The following SAC3D1 variants were observed in gnomAD, a reference collection of about 807,000 sequenced individuals.
SAC3D1 encodes the protein SAC3 domain-containing protein 1.
In SAC3D1, 10 loss-of-function variants were observed where a neutral mutation model predicts 12.7. The observed-to-expected ratio is 0.79, with a 90% confidence interval of 0.49 to 1.34. The LOEUF (loss-of-function observed/expected upper bound fraction) is 1.34, where lower values mean the gene tolerates loss of function less well. SAC3D1 is among the 40% of genes most tolerant of loss of function. The pLI is 0.00. For missense variants in SAC3D1, 482 were observed against 531.1 expected (o/e 0.91, Z 0.91); for synonymous variants, 241 against 250.8 (o/e 0.96, Z 0.37).
At chr11:65,041,115 A>G (rs1265703530), upstream of SAC3D1, 2 of 651,216 alleles carry the variant, frequency 3.1e-6, no homozygotes, top group Admixed American at 6.2e-5. Context: ...GGGTGAGAGG[A>G]CAGAGGTGGC....
chr11:65,042,995 C>T, intron 1 of SAC3D1: 1 of 414,664 alleles, frequency 2.4e-6, no homozygotes, highest in Non-Finnish European at 4.9e-6. Context: ...GCAATCACAC[C>T]CGGCTAACTT....
In SAC3D1 at chr11:65,041,432, C is replaced by T; in HGVS notation, c.140C>T (p.Pro47Leu). The T allele has an allele frequency of 1.3e-6, 2 of 1,503,256 alleles. No homozygotes were observed. Among genetic ancestry groups the T allele is most frequent in the Non-Finnish European group, 8.8e-7 (1 of 1,133,014 alleles). The allele number at this position is 1,503,256 out of a possible 1,614,324, so 93.1% of individuals were successfully genotyped here. A position where few individuals can be genotyped will look rare whatever the true frequency, so the allele number is the denominator to read the frequency against. The change falls in exon 1 of 2, where the codon CCG becomes CTG. Residue 47 changes from proline (P) to leucine (L), a missense_variant. Around this residue, in one of 3 missense-constraint regions of SAC3D1, gnomAD observed 197 missense variants for 183.2 expected, o/e 1.08. Coordinates refer to ENST00000652489, the MANE Select transcript of SAC3D1 (RefSeq NM_013299.4). Reference protein sequence around the residue: ...GCRQDPPRADPQRAVKEYSRP... With the variant: ...GCRQDPPRADLQRAVKEYSRP... ...CGCCAGGACCCGCCCCGCGCGGATC[C>T]GCAGCGCGCGGTGAAGGAGTACAGC...
At position 65,044,293 on chromosome 11, in the gene SAC3D1, A is replaced by G. The variant is rs1353419216; in HGVS notation, c.643A>G (p.Lys215Glu). Reference sequence around the variant, plus strand: ...CCTGCGCGCCTGCCCGCCCCTCCGCAAGGCCTTGGCGGTAGATGCTGCCTT... The same window carrying G: ...CCTGCGCGCCTGCCCGCCCCTCCGCGAGGCCTTGGCGGTAGATGCTGCCTT... Reference protein sequence around the residue: ...AALRACPPLRKALAVDAAFRE... With the variant: ...AALRACPPLREALAVDAAFRE... Residue 215 changes from lysine to glutamate, a missense_variant, in exon 2 of 2, where the codon AAG (lysine) becomes GAG (glutamate). Lys to Glu is a moderately conservative substitution (Grantham distance 56). Around this residue, in one of 3 missense-constraint regions of SAC3D1, gnomAD observed 225 missense variants for 241.1 expected, o/e 0.93. Transcript: ENST00000652489. This position sits in a 1 kb window ranked among gnomAD's most constrained non-coding sequence, Gnocchi z 4.0. 2.5e-6 allele frequency: 4 copies of G among 1,613,170 alleles called. No individual in the cohort carries two copies. Among genetic ancestry groups the G allele is most frequent in the Non-Finnish European group, 2.5e-6 (3 of 1,180,018 alleles).
In SAC3D1 at chr11:65,041,463, C is replaced by A; in HGVS notation, c.171C>A (p.Pro57=). Reference sequence around the variant, plus strand: ...GCGCGGTGAAGGAGTACAGCCGACCCGCCGCCGGCAAGCCCCGGCCCCCGC... The same window carrying A: ...GCGCGGTGAAGGAGTACAGCCGACCAGCCGCCGGCAAGCCCCGGCCCCCGC... ...PQRAVKEYSR[P]AAGKPRPPPS... is the part of the protein sequence containing the mutation. Residue 57 remains proline (P), a synonymous_variant, in exon 1 of 2, where the codon CCC becomes CCA. Transcript: ENST00000652489. 1 of 1,483,454 alleles carries A rather than the reference C, an allele frequency of 6.7e-7. No homozygotes were observed. Among genetic ancestry groups the A allele is most frequent in the Admixed American group, 2.3e-5 (1 of 43,922 alleles). 91.9% of individuals were successfully genotyped at this position (1,483,454 alleles called of 1,614,324 possible).
rs1203700578 is a variant in SAC3D1 at position 65,041,560 on chromosome 11, G to A, written c.268G>A (p.Ala90Thr). The A allele has an allele frequency of 1.4e-6, 2 of 1,477,724 alleles. No individual in the cohort carries two copies. The highest frequency in any genetic ancestry group is 1.8e-6 in the Non-Finnish European group (2 of 1,119,932). 91.5% of individuals were successfully genotyped at this position (1,477,724 alleles called of 1,614,324 possible). Residue 90 changes from alanine (A) to threonine (T), a missense_variant, in exon 1 of 2, where the codon GCC becomes ACC. Transcript: ENST00000652489. ...CCTGGCCGGTGAGGTGGCGGAGAGC[G>A]CCGACATCGCCCGCGCCGAGGTGGC... ...RYLAGEVAES[A>T]DIARAEVASF...
At chr11:65,040,964 A>G, upstream of SAC3D1, 1 of 405,398 alleles carries the variant, frequency 2.5e-6, no homozygotes, top group Admixed American at 5.1e-5. Context: ...CCCGGGCTAC[A>G]CGTTAAAAAC....
Position 65,044,386 on chromosome 11 carries a change from G to A in SAC3D1, c.736G>A (p.Val246Met), listed in dbSNP as rs1407464318. The A allele has an allele frequency of 1.2e-6, 2 of 1,613,528 alleles. No individual in the cohort carries two copies. Among genetic ancestry groups the A allele is most frequent in the African/African-American group, 1.3e-5 (1 of 74,948 alleles). ...CCTGCCCTACCTGCCAAGTTGCGCT[G>A]TGCAGTGCCATGTGGGCCATGCCCG... ...QTLPYLPSCA[V>M]QCHVGHARRE... is the part of the protein sequence containing the mutation. The change falls in exon 2 of 2, where the codon GTG becomes ATG. Residue 246 changes from valine (V) to methionine (M), a missense_variant. By Grantham distance (21) the Val-to-Met change is conservative. Coordinates refer to ENST00000652489, the MANE Select transcript of SAC3D1 (RefSeq NM_013299.4). The surrounding 1 kb of genome is among the most constrained non-coding windows in gnomAD (Gnocchi z 4.0).
rs762987588 is a variant in SAC3D1, at chr11:65,041,715, G to A, written c.423G>A (p.Gly141=). ...ATLLTVVARL[G]PDAARGPADP... ...TGCTGACCGTAGTGGCGCGGCTCGG[G>A]CCCGACGCGGCGCGGGGACCCGCGG... The change falls in exon 1 of 2, where the codon GGG becomes GGA. Residue 141 remains glycine, a synonymous_variant. Coordinates refer to ENST00000652489, the MANE Select transcript of SAC3D1 (RefSeq NM_013299.4). 2.3e-6 allele frequency: 3 copies of A among 1,309,780 alleles called. No individual in the cohort carries two copies. The South Asian group carries it at 6.8e-5, about 30-fold the overall frequency. The allele number at this position is 1,309,780 out of a possible 1,614,324, so 81.1% of individuals were successfully genotyped here.
At chr11:65,043,647 C>T (rs562806036) in intron 1 of SAC3D1, among the ~76,000 whole-genome samples, 3 of 101,064 alleles carry the variant, frequency 3.0e-5, no homozygotes, top group Admixed American at 2.0e-4. Flanking sequence ...AAAAAAAGGC[C>T]CTGCCCTATA....
At chr11:65,041,057 A>C, upstream of SAC3D1, 1 of 574,640 alleles carries the variant, frequency 1.7e-6, no homozygotes, top group Non-Finnish European at 3.0e-6. Context: ...GCAGAGGCGT[A>C]GCTGGACTAC....
Position 65,044,622 on chromosome 11 carries a change from G to C in SAC3D1, c.972G>C (p.Thr324=). Residue 324 remains threonine, a synonymous_variant, in exon 2 of 2, where the codon ACG becomes ACC. Transcript: ENST00000652489. This position sits in a 1 kb window ranked among gnomAD's most constrained non-coding sequence, Gnocchi z 4.0. The part of the protein sequence containing the change: ...YVEEGLPPAS[T]CKVLVESKLR... ...AGGAAGGGCTACCGCCTGCCAGTAC[G>C]TGCAAGGTGTTAGTGGAGAGCAAAC... is the stretch of plus-strand genomic sequence containing the variant. 2 of 1,613,996 alleles carry C rather than the reference G, an allele frequency of 1.2e-6. No individual in the cohort carries two copies. Among genetic ancestry groups the C allele is most frequent in the South Asian group, 2.2e-5 (2 of 91,092 alleles).
rs368436752 is a variant in SAC3D1 at position 65,044,408 on chromosome 11, C to T, written c.758C>T (p.Ala253Val). The T allele has an allele frequency of 6.2e-6, 10 of 1,613,614 alleles. No individual in the cohort carries two copies. In the African/African-American group the frequency reaches 8.0e-5, roughly 13 times the overall value. The change falls in exon 2 of 2, where the codon GCC becomes GTC. Residue 253 changes from alanine (A) to valine (V), a missense_variant. Coordinates refer to ENST00000652489, the MANE Select transcript of SAC3D1 (RefSeq NM_013299.4). The surrounding 1 kb of genome is among the most constrained non-coding windows in gnomAD (Gnocchi z 4.0). ...GCTGTGCAGTGCCATGTGGGCCATG[C>T]CCGCCGGGAAGCCCTGGCCCGCTTC... is the stretch of plus-strand genomic sequence containing the variant. ...SCAVQCHVGH[A>V]RREALARFAR...
At chr11:65,043,587 C>T (rs1015256106) in intron 1 of SAC3D1, among the ~76,000 whole-genome samples, 1 of 119,090 alleles carries the variant, frequency 8.4e-6, no homozygotes, top group African/African-American at 3.3e-5. Context: ...CACTATACTT[C>T]AGCCTGGGTG....
chr11:65,042,038 G>C, intron 1 of SAC3D1, 172 bp downstream of exon 1: 5 of 855,694 alleles, frequency 5.8e-6, no homozygotes, highest in Non-Finnish European at 7.8e-6. Context: ...CTGGGTCTTA[G>C]TTGTCTCAGG....
At position 65,044,671 on chromosome 11, in the gene SAC3D1, G is replaced by A; in HGVS notation, c.1021G>A (p.Val341Met). Reference sequence around the variant, plus strand: ...ACTTCGAGGACGTACCCTGGAGGAGGTGGTCATGGCAGAGGAGGAAGATGA... The same window carrying A: ...ACTTCGAGGACGTACCCTGGAGGAGATGGTCATGGCAGAGGAGGAAGATGA... ...SKLRGRTLEE[V>M]VMAEEEDEGT... The change falls in exon 2 of 2, where the codon GTG (valine) becomes ATG (methionine). Residue 341 changes from valine to methionine, a missense_variant. Val to Met is a conservative substitution (Grantham distance 21). Coordinates refer to ENST00000652489, the MANE Select transcript of SAC3D1 (RefSeq NM_013299.4). The surrounding 1 kb of genome is among the most constrained non-coding windows in gnomAD (Gnocchi z 4.0). 1 of 1,613,754 alleles carries A rather than the reference G, an allele frequency of 6.2e-7. No individual in the cohort carries two copies. Among genetic ancestry groups the A allele is most frequent in the South Asian group, 1.1e-5 (1 of 91,088 alleles).
rs1946610938 is a variant in SAC3D1, at chr11:65,041,835, C to T, written c.543C>T (p.Ala181=). 3.4e-6 allele frequency: 5 copies of T among 1,469,616 alleles called. No individual in the cohort carries two copies. Among genetic ancestry groups the T allele is most frequent in the South Asian group, 1.3e-5 (1 of 77,910 alleles). The allele number at this position is 1,469,616 out of a possible 1,614,324, so 91.0% of individuals were successfully genotyped here. ...CCGGGCCGCACCCCCGCCAACCCGC[C>T]TTCCAGGGCCTCTTTCTGCTCTATA... ...RGAGPHPRQP[A]FQGLFLLYNL... is the part of the protein sequence containing the mutation. Residue 181 remains alanine (A), a synonymous_variant, in exon 1 of 2, where the codon GCC becomes GCT. Transcript: ENST00000652489.
rs1460002387 is a variant in SAC3D1 at position 65,044,201 on chromosome 11, C to T, written c.575-24C>T. The stretch of plus-strand genomic sequence containing the variant: ...TGATCCTGTAAGGACCAGGCGTCCT[C>T]ATTCTGGCTTCCCGCTCTCACAGGC... On this transcript the variant is annotated intron_variant, in intron 1 of 1. Transcript: ENST00000652489. The surrounding 1 kb of genome is among the most constrained non-coding windows in gnomAD (Gnocchi z 4.0). 1 of 1,608,166 alleles carries T rather than the reference C, an allele frequency of 6.2e-7. No homozygotes were observed. Among genetic ancestry groups the T allele is most frequent in the East Asian group, 2.2e-5 (1 of 44,822 alleles).
chr11:65,043,931 C>T (rs1420852125), intron 1 of SAC3D1, among the ~76,000 whole-genome samples: 1 of 152,194 alleles, frequency 6.6e-6, no homozygotes, highest in Non-Finnish European at 1.5e-5. Flanking sequence ...CCCTAGGACA[C>T]TCTCAGGCGA....
At position 65,041,612 on chromosome 11, in the gene SAC3D1, C is replaced by G; in HGVS notation, c.320C>G (p.Ala107Gly). Residue 107 changes from alanine (A) to glycine (G), a missense_variant, in exon 1 of 2, where the codon GCT becomes GGT. Transcript: ENST00000652489. The stretch of plus-strand genomic sequence containing the variant: ...AGCTTCGTGGCAGACCGCTTGCGAG[C>G]TGTGCTCCTGGACCTGGCGCTGCAG... ...VASFVADRLR[A>G]VLLDLALQGA... 2 of 1,471,022 alleles carry G rather than the reference C, an allele frequency of 1.4e-6. No individual in the cohort carries two copies. Among genetic ancestry groups the G allele is most frequent in the Non-Finnish European group, 1.8e-6 (2 of 1,116,442 alleles). The allele number at this position is 1,471,022 out of a possible 1,614,324, so 91.1% of individuals were successfully genotyped here.
Sources: gnomAD v4.1 joint callset for allele counts (sites outside exome capture counted in the v4.1 genomes callset) on GRCh38, gnomAD v4.1.1 for gene constraint, gnomAD v4.1.1 regional missense constraint, Gnocchi (gnomAD v3.1) non-coding constraint, MANE v1.5 for transcripts, NCBI Gene and HGNC (gene_info 2026-07-23, HGNC 2026-07-21) for gene names.